Variants in WDPCP observed in about 807,000 individuals in gnomAD.
WDPCP encodes WD repeat containing planar cell polarity effector.
In WDPCP, 71 loss-of-function variants were observed where a neutral mutation model predicts 93.1. The ratio of observed to expected loss-of-function variants is 0.76; its 90% CI spans 0.63 to 0.93. The LOEUF (loss-of-function observed/expected upper bound fraction) is 0.93, where lower values mean the gene tolerates loss of function less well. Among genes scored for constraint, WDPCP ranks in the 40% least tolerant of loss-of-function variants. The probability of loss-of-function intolerance (pLI) is 0.00; values close to 1 mark genes in which losing one functional copy is unlikely to be tolerated. For synonymous variants in WDPCP, 315 were observed against 315.0 expected (o/e 1.00, Z 0.00); for missense variants, 844 against 887.4 (o/e 0.95, Z 0.62).
chr2:63,735,698 A>G (rs1359093238), intron 2 of WDPCP, among the ~76,000 whole-genome samples: 3 of 152,202 alleles, frequency 2.0e-5, no homozygotes, highest in Non-Finnish European at 4.4e-5. Flanking sequence ...CCATGGTCCA[A>G]AAGAGAGAGA....
At chr2:63,477,711 T>C (rs893059643) in intron 6 of WDPCP, 1 of 152,050 alleles carries the variant, frequency 6.6e-6, no homozygotes, top group African/African-American at 2.4e-5. Context: ...AAACCGTGAG[T>C]GCCCGAAGTG....
At chr2:63,471,043 C>A (rs906141483) in intron 6 of WDPCP, among the ~76,000 whole-genome samples, 9 of 152,164 alleles carry the variant, frequency 5.9e-5, no homozygotes, top group Non-Finnish European at 1.3e-4. Flanking sequence ...CCCTACCATC[C>A]CCCATCATGC....
intron 9 of WDPCP, among the ~76,000 whole-genome samples, chr2:63,427,352 A>G (rs1461485459): frequency 6.6e-6 from 1 of 152,208 alleles, no homozygotes; most frequent in African/African-American, 2.4e-5. Flanking sequence ...AGCAAGTATC[A>G]ATAAATTTTT....
intron 12 of WDPCP, among the ~76,000 whole-genome samples, chr2:63,337,879 T>G (rs1688502412): frequency 6.6e-6 from 1 of 152,200 alleles, no homozygotes; most frequent in African/African-American, 2.4e-5. Context: ...TTTGAGCTCC[T>G]TATATATTCT....
chr2:63,196,259 T>G (rs1413924640), intron 14 of WDPCP, among the ~76,000 whole-genome samples: 1 of 152,202 alleles, frequency 6.6e-6, no homozygotes, highest in East Asian at 1.9e-4. Flanking sequence ...GCTTGATATG[T>G]ACAATGGACT....
At chr2:63,481,185 T>C (rs950796041) in intron 6 of WDPCP, among the ~76,000 whole-genome samples, 2 of 151,902 alleles carry the variant, frequency 1.3e-5, no homozygotes, top group Non-Finnish European at 2.9e-5. Context: ...AAAACCACAA[T>C]GTGATATACC....
At chr2:63,257,450 A>C (rs1681243168) in intron 14 of WDPCP, among the ~76,000 whole-genome samples, 1 of 152,204 alleles carries the variant, frequency 6.6e-6, no homozygotes, top group Non-Finnish European at 1.5e-5. Flanking sequence ...ATTATGAGTG[A>C]GAATCACCCA....
At chr2:63,264,688 G>A (rs1355456944) in intron 13 of WDPCP, among the ~76,000 whole-genome samples, 11 of 152,112 alleles carry the variant, frequency 7.2e-5, no homozygotes. Flanking sequence ...GAAAATCAAT[G>A]AGGAGACATC....
intron 12 of WDPCP, among the ~76,000 whole-genome samples, chr2:63,346,427 C>T (rs538254265): frequency 6.6e-6 from 1 of 151,912 alleles, no homozygotes. Flanking sequence ...CTTGAGAATG[C>T]ACCCCTCAGA....
Position 63,338,800 on chromosome 2 carries a change from A to C in WDPCP, c.1749-25489T>G, listed in dbSNP as rs146221014. Reference sequence around the variant, plus strand: ...ACTATGGCTTTGTAGTAAATTTTGAAGTCAGGTAGTGTAATGACTCCAGCT... The same window carrying C: ...ACTATGGCTTTGTAGTAAATTTTGACGTCAGGTAGTGTAATGACTCCAGCT... On this transcript the variant is annotated intron_variant, in intron 12 of 17. Transcript: ENST00000272321. Among the ~76,000 whole-genome samples the C allele has an allele frequency of 1.2e-3, 184 of 151,620 alleles. 1 individual carries two copies. Among genetic ancestry groups the C allele is most frequent in the Middle Eastern group, 6.8e-3 (2 of 292 alleles).
chr2:63,143,302 ATG>A (rs751016925), intron 17 of WDPCP, among the ~76,000 whole-genome samples: 9 of 152,106 alleles, frequency 5.9e-5, no homozygotes, highest in South Asian at 4.1e-4. Flanking sequence ...CTTTAAGTTT[ATG>A]TGAGTCCTTA....
chr2:63,515,406 A>G (rs947673104), intron 1 of WDPCP, among the ~76,000 whole-genome samples: 1 of 152,154 alleles, frequency 6.6e-6, no homozygotes, highest in African/African-American at 2.4e-5. Flanking sequence ...TATGTGGCAC[A>G]CTCAAAAGTA....
chr2:63,129,962 GT>G (rs958665017), intron 17 of WDPCP, among the ~76,000 whole-genome samples: 3 of 152,102 alleles, frequency 2.0e-5, no homozygotes, highest in Admixed American at 6.6e-5. Flanking sequence ...AGGACAGATG[GT>G]TTTTTTCCCA....
chr2:63,489,883 A>G (rs1700774192), intron 2 of WDPCP, among the ~76,000 whole-genome samples: 1 of 152,084 alleles, frequency 6.6e-6, no homozygotes, highest in Non-Finnish European at 1.5e-5. Context: ...CAAAGAAGAA[A>G]GTAACTTTGC....
At chr2:63,189,962 T>C (rs1396402913) in intron 14 of WDPCP, among the ~76,000 whole-genome samples, 1 of 152,224 alleles carries the variant, frequency 6.6e-6, no homozygotes, top group Non-Finnish European at 1.5e-5. Flanking sequence ...TTAGGTTTCA[T>C]TGTTCATTCT....
At chr2:63,830,603 G>A (rs1330983819), upstream of WDPCP, among the ~76,000 whole-genome samples, 1 of 152,016 alleles carries the variant, frequency 6.6e-6, no homozygotes, top group Non-Finnish European at 1.5e-5. Flanking sequence ...TCACTCTACT[G>A]CTCTTATAAG....
At chr2:63,292,820 T>C (rs1408796604) in intron 13 of WDPCP, among the ~76,000 whole-genome samples, 1 of 152,222 alleles carries the variant, frequency 6.6e-6, no homozygotes, top group Non-Finnish European at 1.5e-5. Context: ...GTTTTGGAAC[T>C]ATGGAGTCTA....
intron 2 of WDPCP, among the ~76,000 whole-genome samples, chr2:63,787,686 T>C (rs888395198): frequency 1.3e-5 from 2 of 152,230 alleles, no homozygotes; most frequent in African/African-American, 2.4e-5. Flanking sequence ...ATTAAAATTA[T>C]AGTAAATATA....
At chr2:63,326,827 A>G (rs1687594932) in intron 12 of WDPCP, among the ~76,000 whole-genome samples, 1 of 152,206 alleles carries the variant, frequency 6.6e-6, no homozygotes, top group South Asian at 2.1e-4. Context: ...AGATGGAAGT[A>G]GTAAAGAAAA....
Sources: allele counts gnomAD v4.1 joint callset (sites outside exome capture counted in the v4.1 genomes callset), GRCh38; gene constraint gnomAD v4.1.1; transcripts MANE v1.5; gene names NCBI Gene and HGNC (gene_info 2026-07-23, HGNC 2026-07-21).